The following PCM1 variants were observed in gnomAD, a reference collection of about 807,000 sequenced individuals.
PCM1 encodes the protein pericentriolar material 1 protein.
In PCM1, 157 loss-of-function variants were observed where a neutral mutation model predicts 241.9. The ratio of observed to expected loss-of-function variants is 0.65; its 90% CI spans 0.57 to 0.74. The LOEUF (loss-of-function observed/expected upper bound fraction) is 0.74. PCM1 is among the 30% of genes least tolerant of loss of function. PCM1 has a pLI of 0.00. For missense variants in PCM1, 3,478 were observed against 2,360.1 expected (o/e 1.47, Z -9.81); for synonymous variants, 1,085 against 784.9 (o/e 1.38, Z -6.39).
intron 23 of PCM1, among the ~76,000 whole-genome samples, chr8:17,978,194 G>T (rs1282434128): frequency 6.6e-6 from 1 of 151,920 alleles, no homozygotes; most frequent in African/African-American, 2.4e-5. Context: ...AAAATCAGGG[G>T]GAAGAATTAT....
intron 13 of PCM1, among the ~76,000 whole-genome samples, chr8:17,958,194 A>G (rs1024134935): frequency 6.6e-6 from 1 of 152,158 alleles, no homozygotes; most frequent in African/African-American, 2.4e-5. Context: ...CATCTCAATG[A>G]GGTAGACATT....
intron 26 of PCM1, among the ~76,000 whole-genome samples, chr8:17,989,114 AAT>A (rs2083597563): frequency 6.6e-6 from 1 of 152,048 alleles, no homozygotes; most frequent in African/African-American, 2.4e-5. Flanking sequence ...GCCATTAAAA[AAT>A]AATTTCTGAA....
chr8:17,999,301 G>C (rs892762651), intron 29 of PCM1, among the ~76,000 whole-genome samples: 11 of 152,072 alleles, frequency 7.2e-5, no homozygotes, highest in Non-Finnish European at 1.5e-4. Context: ...AAGGCCCATG[G>C]CATACTACAT....
rs750537999 is a variant in PCM1, at chr8:17,952,996, A to C, written c.1098A>C (p.Arg366Ser). 6.2e-7 allele frequency: 1 copy of C among 1,601,964 alleles called. No homozygotes were observed. Among genetic ancestry groups the C allele is most frequent in the African/African-American group, 1.3e-5 (1 of 74,700 alleles). ...SQPPAVPDNR[R>S]QAESLSLTRE... ...CTCCAGCTGTTCCAGACAATAGAAG[A>C]CAGGCAGAAAGTCTTTCATTAACTA... Residue 366 changes from arginine (R) to serine (S), a missense_variant, in exon 9 of 39, where the codon AGA becomes AGC. Arg to Ser is a moderately radical substitution (Grantham distance 110, BLOSUM62 -1). Transcript: ENST00000325083.
chr8:17,932,455 T>C (rs2059320973), intron 2 of PCM1, among the ~76,000 whole-genome samples: 1 of 152,166 alleles, frequency 6.6e-6, no homozygotes, highest in African/African-American at 2.4e-5. Context: ...ATATGTAATT[T>C]ATATGAAAGT....
intron 6 of PCM1, among the ~76,000 whole-genome samples, chr8:17,942,303 C>G (rs1445893608): frequency 6.6e-6 from 1 of 152,022 alleles, no homozygotes; most frequent in East Asian, 1.9e-4. Context: ...CCTGTCTCTA[C>G]TAAAAATACA....
intron 29 of PCM1, among the ~76,000 whole-genome samples, chr8:18,001,820 G>C (rs926758026): frequency 6.6e-6 from 1 of 151,868 alleles, no homozygotes; most frequent in African/African-American, 2.4e-5. Context: ...AGATCTTTGA[G>C]AAAGCACCTG....
At position 17,957,712 on chromosome 8, in the gene PCM1, C is replaced by G. The variant is rs771193898; in HGVS notation, c.1977C>G (p.Ile659Met). ...HPEDAEFEQK[I>M]NRLMAAKQKL... ...AAGATGCTGAATTTGAACAGAAGAT[C>G]AACCGACTTATGGCTGCAAAACAGA... Residue 659 changes from isoleucine (I) to methionine (M), a missense_variant, in exon 13 of 39, where the codon ATC (isoleucine) becomes ATG (methionine). Transcript: ENST00000325083. 2 of 1,613,422 alleles carry G rather than the reference C, an allele frequency of 1.2e-6. No homozygotes were observed. The highest frequency in any genetic ancestry group is 1.7e-5 in the Admixed American group (1 of 59,928).
At chr8:17,978,545 A>G (rs2079545960) in intron 23 of PCM1, among the ~76,000 whole-genome samples, 1 of 152,024 alleles carries the variant, frequency 6.6e-6, no homozygotes, top group Non-Finnish European at 1.5e-5. Flanking sequence ...CCACACAAGC[A>G]GAAGTAGAAA....
intron 1 of PCM1, among the ~76,000 whole-genome samples, chr8:17,924,104 C>T (rs1202959032): frequency 2.6e-5 from 4 of 151,988 alleles, no homozygotes; most frequent in East Asian, 1.9e-4. Context: ...GCCCCTACCA[C>T]CCCCGCCCCA....
intron 38 of PCM1, among the ~76,000 whole-genome samples, chr8:18,027,414 T>C (rs1033822215): frequency 1.1e-4 from 16 of 152,234 alleles, no homozygotes; most frequent in African/African-American, 3.6e-4. Flanking sequence ...GGAGTGTTTT[T>C]AGAGAGACAC....
chr8:17,940,125 C>G (rs747737638), intron 6 of PCM1: 6 of 1,562,626 alleles, frequency 3.8e-6, no homozygotes, highest in Non-Finnish European at 5.2e-6. Flanking sequence ...CATCGCTAAA[C>G]ATAGATGTGC....
At chr8:17,980,506 C>A in intron 23 of PCM1, 85 bp from the exon 24 acceptor site, 2 of 1,054,680 alleles carry the variant, frequency 1.9e-6, no homozygotes, top group Non-Finnish European at 2.7e-6. Flanking sequence ...ATTGAGTTAC[C>A]TGTACTGTTA....
intron 29 of PCM1, among the ~76,000 whole-genome samples, chr8:17,996,731 C>G (rs186759670): frequency 1.4e-4 from 22 of 152,216 alleles, no homozygotes; most frequent in African/African-American, 5.1e-4. Flanking sequence ...CAAATACTGT[C>G]TTATAACTCA....
rs377657446 is a variant in PCM1, at chr8:18,025,432, G to A, written c.5913G>A (p.Leu1971=). The change falls in exon 37 of 39, where the codon CTG becomes CTA. Residue 1971 remains leucine, a synonymous_variant. Coordinates refer to ENST00000325083, the MANE Select transcript of PCM1 (RefSeq NM_006197.4). ...EDFVKVEDLP[L]KLTIYSEADL... ...TTGTAAAAGTTGAAGATTTACCACT[G>A]AAACTGACAATATATTCAGAGGTAT... The A allele has an allele frequency of 1.1e-3, 1,750 of 1,596,488 alleles. 1 individual carries two copies. The highest frequency in any genetic ancestry group is 1.4e-3 in the Non-Finnish European group (1,652 of 1,166,718).
At chr8:17,935,126 T>G (rs1412440744) in intron 2 of PCM1, among the ~76,000 whole-genome samples, 1 of 152,218 alleles carries the variant, frequency 6.6e-6, no homozygotes, top group Non-Finnish European at 1.5e-5. Flanking sequence ...TCTTCTTGTT[T>G]CTTGCAGAGC....
intron 22 of PCM1, among the ~76,000 whole-genome samples, chr8:17,971,464 C>T (rs1247672494): frequency 1.3e-5 from 2 of 152,148 alleles, no homozygotes; most frequent in Non-Finnish European, 2.9e-5. Context: ...TCTCCCCAAC[C>T]TAGACGACCG....
At chr8:17,973,928 T>C (rs2077739496) in intron 23 of PCM1, among the ~76,000 whole-genome samples, 2 of 152,244 alleles carry the variant, frequency 1.3e-5, no homozygotes, top group South Asian at 4.1e-4. Context: ...AATGAAACCT[T>C]AGAAAAATCT....
At chr8:18,011,175 T>A in intron 32 of PCM1, 62 bp from the exon 33 acceptor site, 2 of 1,149,376 alleles carry the variant, frequency 1.7e-6, no homozygotes, top group Non-Finnish European at 2.4e-6. Context: ...ACGATAGACT[T>A]ACTATATACC....
Sources: gnomAD v4.1 joint callset for allele counts (sites outside exome capture counted in the v4.1 genomes callset) on GRCh38, gnomAD v4.1.1 for gene constraint, MANE v1.5 for transcripts, NCBI Gene and HGNC (gene_info 2026-07-23, HGNC 2026-07-21) for gene names.